The following ZNF362 variants were observed in gnomAD, a reference collection of about 807,000 sequenced individuals.
ZNF362 encodes zinc finger protein 362.
Under a neutral mutation model 42.9 loss-of-function variants are expected in ZNF362, and 11 were observed. The observed-to-expected ratio is 0.26, with a 90% confidence interval of 0.16 to 0.42. ZNF362 has a LOEUF of 0.42. Among genes scored for constraint, ZNF362 ranks in the 20% least tolerant of loss-of-function variants. ZNF362 has a pLI of 1.00. For synonymous variants in ZNF362, 255 were observed against 257.3 expected, an observed-to-expected ratio of 0.99 and a Z score of 0.09; for missense variants, 362 against 576.2, an observed-to-expected ratio of 0.63 and a Z score of 3.81.
chr1:33,160,047 T>C, the ZNF362 span: 2 of 1,470,382 alleles, frequency 1.4e-6, no homozygotes, highest in Non-Finnish European at 1.8e-6. Context: ...GAGGAAAGGG[T>C]GGGAAAGGGC....
At chr1:33,298,847 C>A in intron 8 of ZNF362, 83 bp from the exon 9 acceptor site, 1 of 1,206,772 alleles carries the variant, frequency 8.3e-7, no homozygotes, top group Non-Finnish European at 1.2e-6. Context: ...CAAGAGCCCT[C>A]CAGTGGCTGC....
intron 1 of ZNF362, among the ~76,000 whole-genome samples, chr1:33,258,771 A>ATGGTGTGGTGTG (rs1227466718): frequency 1.1e-4 from 17 of 152,274 alleles, no homozygotes; most frequent in African/African-American, 3.9e-4. Flanking sequence ...TGAACTTCAC[A>ATGGTGTGGTGTG]GTTTTCACAG....
the ZNF362 span, among the ~76,000 whole-genome samples, chr1:33,183,223 G>T: frequency 2.0e-5 from 3 of 152,268 alleles, 1 homozygote; most frequent in Admixed American, 2.0e-4. Context: ...GGATACGGGG[G>T]TGAGGGAAAT....
the ZNF362 span, chr1:33,180,972 G>GCCCCCCC: frequency 2.3e-6 from 3 of 1,306,620 alleles, no homozygotes; most frequent in South Asian, 1.5e-5. Flanking sequence ...CCCCCGCCCG[G>GCCCCCCC]CCCCACCTCC....
At chr1:33,288,950 C>G (rs1646053729) in intron 6 of ZNF362, among the ~76,000 whole-genome samples, 1 of 152,046 alleles carries the variant, frequency 6.6e-6, no homozygotes, top group Non-Finnish European at 1.5e-5. Context: ...GAACAGGTAG[C>G]CTGGTCCTTC....
the ZNF362 span, chr1:33,180,972 G>A: frequency 1.2e-5 from 16 of 1,306,598 alleles, no homozygotes; most frequent in South Asian, 4.5e-5. Context: ...CCCCCGCCCG[G>A]CCCCACCTCC....
At chr1:33,132,167 G>C in the ZNF362 span, among the ~76,000 whole-genome samples, 3 of 152,170 alleles carry the variant, frequency 2.0e-5, no homozygotes, top group Non-Finnish European at 2.9e-5. Context: ...GCTATGGGAA[G>C]AACGCACTGT....
chr1:33,272,824 G>A (rs1337062389), intron 2 of ZNF362, among the ~76,000 whole-genome samples: 1 of 152,210 alleles, frequency 6.6e-6, no homozygotes, highest in Non-Finnish European at 1.5e-5. Context: ...TCCCTGGTCT[G>A]CAGCTCTCTT....
At chr1:33,189,898 C>T in the ZNF362 span, among the ~76,000 whole-genome samples, 146 of 151,586 alleles carry the variant, frequency 9.6e-4, no homozygotes, top group African/African-American at 3.4e-3. Flanking sequence ...GGTGTGAAGA[C>T]CCACTGGACT....
At chr1:33,179,995 TG>T in the ZNF362 span, among the ~76,000 whole-genome samples, 3 of 152,154 alleles carry the variant, frequency 2.0e-5, no homozygotes, top group African/African-American at 7.2e-5. Flanking sequence ...TGTTTTTGTT[TG>T]TTTGTTTGTT....
At chr1:33,227,015 G>A in the ZNF362 span, among the ~76,000 whole-genome samples, 1 of 152,294 alleles carries the variant, frequency 6.6e-6, no homozygotes, top group East Asian at 1.9e-4. Context: ...GTTGCCAGGG[G>A]CTGAGGGAAG....
At chr1:33,146,801 T>A in the ZNF362 span, 43 of 284,316 alleles carry the variant, frequency 1.5e-4, no homozygotes, top group Non-Finnish European at 2.0e-4. Context: ...TCTTTCGGGC[T>A]GCCAACTACT....
In ZNF362 at chr1:33,300,312, G is replaced by A. The variant is rs917678573; in HGVS notation, c.*1266G>A. On this transcript the variant is annotated 3_prime_UTR_variant, in exon 9 of 9. Transcript: ENST00000539719. ...GGTTTCTTTGCCCATGGGGTTCTCT[G>A]CCCCCACCCCCGGCCCTTTGTTTGA... 2 of 150,818 alleles carry A rather than the reference G, an allele frequency of 1.3e-5. No individual in the cohort carries two copies. The highest frequency in any genetic ancestry group is 4.9e-5 in the African/African-American group (2 of 40,606). 9.3% of individuals were successfully genotyped at this position (150,818 alleles called of 1,614,324 possible).
chr1:33,153,299 G>C, the ZNF362 span, among the ~76,000 whole-genome samples: 1 of 152,228 alleles, frequency 6.6e-6, no homozygotes. Flanking sequence ...GCTGCTCTCT[G>C]AACTCCCCAG....
chr1:33,250,780 AAAG>A, the ZNF362 span, among the ~76,000 whole-genome samples: 1 of 151,640 alleles, frequency 6.6e-6, no homozygotes, highest in Non-Finnish European at 1.5e-5. Context: ...AAGGAAGAAG[AAAG>A]AAGGAGAAGG....
the ZNF362 span, among the ~76,000 whole-genome samples, chr1:33,249,072 G>A: frequency 1.3e-5 from 2 of 152,248 alleles, no homozygotes; most frequent in Admixed American, 6.5e-5. Context: ...TTACAGCTGA[G>A]ATAAGTCTGT....
chr1:33,144,380 C>T, the ZNF362 span, among the ~76,000 whole-genome samples: 7 of 152,184 alleles, frequency 4.6e-5, no homozygotes, highest in African/African-American at 1.2e-4. Flanking sequence ...TCAGGTGATC[C>T]GCCTGCCTTG....
In ZNF362 at chr1:33,294,661, A is replaced by G. The variant is rs1349936892; in HGVS notation, c.909-276A>G. Among the ~76,000 whole-genome samples the G allele has an allele frequency of 2.6e-5, 4 of 152,100 alleles. No homozygotes were observed. The highest frequency in any genetic ancestry group is 4.8e-5 in the African/African-American group (2 of 41,412). On this transcript the variant is annotated intron_variant, in intron 6 of 8. Coordinates refer to ENST00000539719, the MANE Select transcript of ZNF362 (RefSeq NM_152493.3). This position sits in a 1 kb window ranked among gnomAD's most constrained non-coding sequence, Gnocchi z 4.2. The stretch of plus-strand genomic sequence containing the variant: ...AAATCAGGCCCTCTCCGAGGCCTGC[A>G]CTGGGTTGCTGCAAGGGCTCTGGTG...
chr1:33,282,236 A>G (rs897717705), intron 6 of ZNF362, among the ~76,000 whole-genome samples: 5 of 152,196 alleles, frequency 3.3e-5, no homozygotes, highest in East Asian at 1.9e-4. Flanking sequence ...ACCTCACTCA[A>G]TCTACTGGGA....
Sources: allele counts gnomAD v4.1 joint callset (sites outside exome capture counted in the v4.1 genomes callset), GRCh38; gene constraint gnomAD v4.1.1; non-coding constraint Gnocchi (gnomAD v3.1); transcripts MANE v1.5; gene names NCBI Gene and HGNC (gene_info 2026-07-23, HGNC 2026-07-21).